DLC1: variants seen among roughly 807,000 people sequenced by gnomAD.
DLC1 encodes rho GTPase-activating protein 7.
In DLC1, 54 loss-of-function variants were observed where a neutral mutation model predicts 140.3. The observed-to-expected ratio is 0.38, with a 90% CI of 0.31 to 0.48. The LOEUF (loss-of-function observed/expected upper bound fraction) is 0.48, where lower values mean the gene tolerates loss of function less well. Among genes scored for constraint, DLC1 ranks in the 20% least tolerant of loss-of-function variants. The probability of loss-of-function intolerance (pLI) is 0.96; values close to 1 mark genes in which losing one functional copy is unlikely to be tolerated. For synonymous variants in DLC1, 986 were observed against 728.1 expected, an observed-to-expected ratio of 1.35 and a Z score of -5.70; for missense variants, 2,536 against 1,907.0, an observed-to-expected ratio of 1.33 and a Z score of -6.14.
At chr8:13,482,168 A>C (rs1210347210) in intron 2 of DLC1, among the ~76,000 whole-genome samples, 1 of 152,180 alleles carries the variant, frequency 6.6e-6, no homozygotes, top group Non-Finnish European at 1.5e-5. Flanking sequence ...GTCAAAGAAT[A>C]TTTGTTAAAT....
intron 1 of DLC1, among the ~76,000 whole-genome samples, chr8:13,506,581 G>GTATATATA (rs36209609): frequency 3.1e-5 from 4 of 131,132 alleles, no homozygotes; most frequent in South Asian, 2.5e-4. Context: ...GTGTGTGTGT[G>GTATATATA]TATATATATA....
At chr8:13,558,196 G>A (rs186892655) in intron 1 of DLC1, 1 of 152,280 alleles carries the variant, frequency 6.6e-6, no homozygotes, top group African/African-American at 2.4e-5. Flanking sequence ...TGTCTTGAGT[G>A]CTTTCTCCCT....
chr8:13,168,818 C>G (rs1380763927), intron 5 of DLC1, among the ~76,000 whole-genome samples: 1 of 152,204 alleles, frequency 6.6e-6, no homozygotes, highest in East Asian at 1.9e-4. Flanking sequence ...CTATATCTAT[C>G]TGTGTTCCTA....
chr8:13,214,843 T>C, intron 5 of DLC1: 1 of 757,206 alleles, frequency 1.3e-6, no homozygotes, highest in East Asian at 2.4e-5. Flanking sequence ...TGGCAATCAA[T>C]GAGTGGCAAT....
chr8:13,183,802 C>G (rs1310040136), intron 5 of DLC1, among the ~76,000 whole-genome samples: 1 of 152,066 alleles, frequency 6.6e-6, no homozygotes, highest in African/African-American at 2.4e-5. Context: ...CTCTGCCAGG[C>G]TTTGCTATCA....
intron 5 of DLC1, among the ~76,000 whole-genome samples, chr8:13,128,617 G>T (rs1398513602): frequency 6.6e-6 from 1 of 152,194 alleles, no homozygotes; most frequent in Non-Finnish European, 1.5e-5. Flanking sequence ...CGGATCACGA[G>T]GTCAGGAGAT....
intron 1 of DLC1, among the ~76,000 whole-genome samples, chr8:13,564,605 G>T (rs1355088569): frequency 6.6e-6 from 1 of 152,192 alleles, no homozygotes; most frequent in African/African-American, 2.4e-5. Flanking sequence ...TCTGGGGGGA[G>T]AATTGCTTGC....
chr8:13,429,669 T>C (rs1838769354), intron 2 of DLC1, among the ~76,000 whole-genome samples: 1 of 152,216 alleles, frequency 6.6e-6, no homozygotes, highest in South Asian at 2.1e-4. Context: ...ACTCAGTAAG[T>C]ATATTTTTAT....
Position 13,118,678 on chromosome 8 carries a change from C to T in DLC1, c.1349-3021G>A, listed in dbSNP as rs141279348. On this transcript the variant is annotated intron_variant, in intron 5 of 17. Transcript: ENST00000276297. Reference sequence around the variant, plus strand: ...GAGAAAGTACTAACAATCCAATGTACGTACTGATTTTTAAAAATCAATTAT... The same window carrying T: ...GAGAAAGTACTAACAATCCAATGTATGTACTGATTTTTAAAAATCAATTAT... Among the ~76,000 whole-genome samples, 1,120 of 152,258 alleles carry T rather than the reference C, an allele frequency of 7.4e-3. 5 individuals carry two copies. The highest frequency in any genetic ancestry group is 0.014 in the Middle Eastern group (4 of 294).
chr8:13,510,970 T>G (rs1272387478), intron 1 of DLC1, among the ~76,000 whole-genome samples: 2 of 152,142 alleles, frequency 1.3e-5, no homozygotes, highest in Non-Finnish European at 2.9e-5. Flanking sequence ...TCAACCCTGG[T>G]TTTCCTTTCT....
chr8:13,095,485 T>C (rs1563580419), intron 10 of DLC1: 2 of 529,202 alleles, frequency 3.8e-6, no homozygotes, highest in Non-Finnish European at 6.8e-6. Flanking sequence ...ATAAAGAACA[T>C]TCCTATCATC....
At chr8:13,442,257 G>T (rs939534171) in intron 2 of DLC1, among the ~76,000 whole-genome samples, 2 of 152,156 alleles carry the variant, frequency 1.3e-5, no homozygotes, top group South Asian at 2.1e-4. Flanking sequence ...AACCCTAGAA[G>T]AAAACCTGTG....
At chr8:13,191,142 C>G (rs1041463983) in intron 5 of DLC1, among the ~76,000 whole-genome samples, 2 of 152,188 alleles carry the variant, frequency 1.3e-5, no homozygotes, top group Non-Finnish European at 2.9e-5. Flanking sequence ...AGTGGAGTTC[C>G]TGAGGCCTCT....
chr8:13,360,874 A>G (rs539708792), intron 4 of DLC1, among the ~76,000 whole-genome samples: 1 of 140,942 alleles, frequency 7.1e-6, no homozygotes, highest in African/African-American at 2.5e-5. Flanking sequence ...TGTTTTATAC[A>G]CATTATTTTT....
At chr8:13,476,755 T>C (rs1179876641) in intron 2 of DLC1, among the ~76,000 whole-genome samples, 1 of 152,164 alleles carries the variant, frequency 6.6e-6, no homozygotes, top group South Asian at 2.1e-4. Flanking sequence ...CAATGACAAA[T>C]GTTCAACGGT....
At position 13,359,084 on chromosome 8, in the gene DLC1, G is replaced by A. The variant is rs560511973; in HGVS notation, c.1314+34469C>T. Among the ~76,000 whole-genome samples, 502 of 152,194 alleles carry A rather than the reference G, an allele frequency of 3.3e-3. 3 individuals carry two copies. Among genetic ancestry groups the A allele is most frequent in the African/African-American group, 0.012 (481 of 41,518 alleles). On this transcript the variant is annotated intron_variant, in intron 4 of 17. Coordinates refer to ENST00000276297, the MANE Select transcript of DLC1 (RefSeq NM_182643.3). Reference sequence around the variant, plus strand: ...CTCCCAGGTAGCTGAGACTACAGGTGCCCGCCACCACGCCCGGCTAATTTT... The same window carrying A: ...CTCCCAGGTAGCTGAGACTACAGGTACCCGCCACCACGCCCGGCTAATTTT...
intron 1 of DLC1, chr8:13,566,925 C>T (rs551907924): frequency 6.8e-7 from 1 of 1,465,412 alleles, no homozygotes; most frequent in African/African-American, 1.4e-5. Flanking sequence ...GGGTCAGCTC[C>T]TGACGGGTTC....
At chr8:13,265,075 C>T (rs1251393130) in intron 5 of DLC1, among the ~76,000 whole-genome samples, 10 of 152,138 alleles carry the variant, frequency 6.6e-5, no homozygotes. Context: ...CAGCTTTTTC[C>T]TATAGTAATA....
intron 5 of DLC1, among the ~76,000 whole-genome samples, chr8:13,262,006 A>G (rs1263207418): frequency 1.3e-5 from 2 of 152,082 alleles, no homozygotes; most frequent in Non-Finnish European, 2.9e-5. Context: ...TGTCAATCTC[A>G]CCTTCTTTCT....
Sources: allele counts gnomAD v4.1 joint callset (sites outside exome capture counted in the v4.1 genomes callset), GRCh38; gene constraint gnomAD v4.1.1; transcripts MANE v1.5; gene names NCBI Gene and HGNC (gene_info 2026-07-23, HGNC 2026-07-21).